The following RBFOX1 variants were observed in gnomAD, a reference collection of about 807,000 sequenced individuals.
RBFOX1 encodes RNA binding protein fox-1 homolog 1.
In RBFOX1, 8 loss-of-function variants were observed where a neutral mutation model predicts 57.7. The observed-to-expected ratio is 0.14, with a 90% CI of 0.08 to 0.25. The LOEUF (loss-of-function observed/expected upper bound fraction) is 0.25, where lower values mean the gene tolerates loss of function less well. Ranked by LOEUF, RBFOX1 falls within the 10% of genes least tolerant of loss-of-function variation. The pLI, the probability that RBFOX1 is intolerant of heterozygous loss-of-function variation, is 1.00. For missense variants in RBFOX1, 611 were observed against 548.5 expected (o/e 1.11, Z -1.14); for synonymous variants, 326 against 222.4 (o/e 1.47, Z -4.15).
At chr16:6,940,366 C>G (rs1004626859) in intron 3 of RBFOX1, among the ~76,000 whole-genome samples, 3 of 152,158 alleles carry the variant, frequency 2.0e-5, no homozygotes, top group African/African-American at 7.2e-5. Flanking sequence ...CTACATTGCT[C>G]ACTTCCCATC....
chr16:7,271,042 C>G (rs2095307430), intron 4 of RBFOX1, among the ~76,000 whole-genome samples: 2 of 152,050 alleles, frequency 1.3e-5, no homozygotes, highest in Admixed American at 6.6e-5. Context: ...TAATTTAAGC[C>G]TCTCTTATTT....
intron 1 of RBFOX1, among the ~76,000 whole-genome samples, chr16:5,280,726 G>A (rs1170183951): frequency 6.6e-6 from 1 of 151,790 alleles, no homozygotes; most frequent in Non-Finnish European, 1.5e-5. Flanking sequence ...GCATATGGTT[G>A]TTCATAATAG....
intron 3 of RBFOX1, among the ~76,000 whole-genome samples, chr16:5,685,970 A>C (rs2050492420): frequency 6.6e-6 from 1 of 152,224 alleles, no homozygotes; most frequent in Admixed American, 6.5e-5. Context: ...AATGAAGCAA[A>C]GGTGGTGTAT....
At position 6,474,186 on chromosome 16, in the gene RBFOX1, G is replaced by A. The variant is rs555907130; in HGVS notation, c.-64+157129G>A. Among the ~76,000 whole-genome samples, 141 of 152,188 alleles carry A rather than the reference G, an allele frequency of 9.3e-4. 1 individual carries two copies. The highest frequency in any genetic ancestry group is 3.2e-3 in the African/African-American group (132 of 41,518). ...AAGGAAAGAAGGGAGGGAAAAGGAT[G>A]GGGACATCATAGTACTATTATCCAG... On this transcript the variant is annotated intron_variant, in intron 2 of 15. Coordinates refer to ENST00000550418, the MANE Select transcript of RBFOX1 (RefSeq NM_018723.4).
At chr16:6,543,334 C>T (rs1006440008) in intron 2 of RBFOX1, among the ~76,000 whole-genome samples, 33 of 152,194 alleles carry the variant, frequency 2.2e-4, no homozygotes, top group African/African-American at 7.7e-4. Context: ...TGACTTGACA[C>T]AATGGAAGGG....
chr16:6,898,288 C>G (rs1020730157), intron 3 of RBFOX1, among the ~76,000 whole-genome samples: 2 of 152,014 alleles, frequency 1.3e-5, no homozygotes, highest in Admixed American at 6.6e-5. Flanking sequence ...CCATCTGACC[C>G]CTGCCCCTCC....
chr16:6,578,588 G>GGTGTGTGTGTGTGT (rs1344034811), intron 2 of RBFOX1, among the ~76,000 whole-genome samples: 1 of 11,170 alleles, frequency 9.0e-5, no homozygotes, highest in African/African-American at 1.8e-4. Context: ...TATGGGTATT[G>GGTGTGTGTGTGTGT]GTGTGTGTGC....
At chr16:5,574,134 G>C (rs1446055209) in intron 2 of RBFOX1, among the ~76,000 whole-genome samples, 5 of 152,204 alleles carry the variant, frequency 3.3e-5, no homozygotes, top group Non-Finnish European at 7.3e-5. Context: ...TATAATCTTA[G>C]AAGGGCAGAA....
intron 3 of RBFOX1, among the ~76,000 whole-genome samples, chr16:6,795,835 A>G (rs537802960): frequency 1.3e-5 from 2 of 151,940 alleles, no homozygotes; most frequent in South Asian, 2.1e-4. Flanking sequence ...GAAAACAAGA[A>G]ATGACACATG....
chr16:6,531,390 T>C (rs2096656076), intron 2 of RBFOX1, among the ~76,000 whole-genome samples: 1 of 152,170 alleles, frequency 6.6e-6, no homozygotes, highest in African/African-American at 2.4e-5. Context: ...CTCTCAGACA[T>C]AGGATCAGTT....
At chr16:7,333,053 G>A (rs748478313) in intron 4 of RBFOX1, 2 of 1,613,790 alleles carry the variant, frequency 1.2e-6, no homozygotes, top group South Asian at 1.1e-5. Context: ...GCCTATGATT[G>A]TACCGGCAGC....
chr16:6,244,744 G>T (rs141327524), intron 1 of RBFOX1, among the ~76,000 whole-genome samples: 1 of 152,074 alleles, frequency 6.6e-6, no homozygotes, highest in Non-Finnish European at 1.5e-5. Context: ...TCCTGACCTC[G>T]TGATCCACCT....
intron 1 of RBFOX1, among the ~76,000 whole-genome samples, chr16:6,214,865 G>T (rs544797115): frequency 5.7e-4 from 58 of 102,380 alleles, no homozygotes; most frequent in African/African-American, 2.2e-3. Flanking sequence ...AAGAAGGAGG[G>T]AGAAGGCGAG....
chr16:6,428,118 A>G (rs536381350), intron 2 of RBFOX1, among the ~76,000 whole-genome samples: 7 of 152,010 alleles, frequency 4.6e-5, no homozygotes, highest in Admixed American at 4.6e-4. Flanking sequence ...CCCCATCCCT[A>G]CAACAAATAC....
chr16:7,383,087 G>T (rs974583368), intron 4 of RBFOX1, among the ~76,000 whole-genome samples: 3 of 152,030 alleles, frequency 2.0e-5, no homozygotes, highest in Non-Finnish European at 2.9e-5. Context: ...ATATCCAGTT[G>T]ATCTTAGATT....
At chr16:6,263,668 T>A (rs2097715467) in intron 1 of RBFOX1, among the ~76,000 whole-genome samples, 1 of 152,242 alleles carries the variant, frequency 6.6e-6, no homozygotes, top group Non-Finnish European at 1.5e-5. Flanking sequence ...CCTTTCCTAG[T>A]TGGCATGGTA....
At chr16:6,018,077 T>C (rs1385190259), upstream of RBFOX1, among the ~76,000 whole-genome samples, 1 of 152,102 alleles carries the variant, frequency 6.6e-6, no homozygotes, top group East Asian at 1.9e-4. Context: ...TATGTGACCT[T>C]GAACAAATTA....
At chr16:5,834,623 T>C (rs915274066) in intron 3 of RBFOX1, among the ~76,000 whole-genome samples, 1 of 151,694 alleles carries the variant, frequency 6.6e-6, no homozygotes, top group African/African-American at 2.4e-5. Context: ...GATAGATAGA[T>C]TGACTGATTT....
chr16:5,439,844 T>G (rs939438172), intron 1 of RBFOX1, among the ~76,000 whole-genome samples: 1 of 152,142 alleles, frequency 6.6e-6, no homozygotes, highest in African/African-American at 2.4e-5. Context: ...CTTCTTCACA[T>G]GGCAGCAGGT....
Sources: gnomAD v4.1 joint callset for allele counts (sites outside exome capture counted in the v4.1 genomes callset) on GRCh38, gnomAD v4.1.1 for gene constraint, MANE v1.5 for transcripts, NCBI Gene and HGNC (gene_info 2026-07-23, HGNC 2026-07-21) for gene names.